SLC13A4: variants seen among roughly 807,000 people sequenced by gnomAD.
The protein encoded by SLC13A4 is Na(+)/sulfate cotransporter SUT-1.
A neutral mutation model predicts 72.7 loss-of-function variants in SLC13A4; 28 were observed. The ratio of observed to expected loss-of-function variants is 0.39; its 90% CI spans 0.29 to 0.53. The LOEUF (loss-of-function observed/expected upper bound fraction) is 0.53, where lower values mean the gene tolerates loss of function less well. Ranked by LOEUF, SLC13A4 falls within the 20% of genes least tolerant of loss-of-function variation. The pLI is 0.78. For synonymous variants in SLC13A4, 312 were observed against 325.5 expected (o/e 0.96, Z 0.45); for missense variants, 653 against 788.0 (o/e 0.83, Z 2.05).
At chr7:135,705,560 G>A in intron 5 of SLC13A4, 36 bp downstream of exon 5, 1 of 1,605,410 alleles carries the variant, frequency 6.2e-7, no homozygotes, top group Admixed American at 1.7e-5. Flanking sequence ...TATGGACTCT[G>A]AGAGGCGCTG....
rs1260443598 is a variant in SLC13A4 at position 135,706,159 on chromosome 7, G to T, written c.507C>A (p.Gly169=). The change falls in exon 4 of 16, where the codon GGC becomes GGA. Residue 169 remains glycine (G), a synonymous_variant. Transcript: ENST00000682651. The part of the protein sequence containing the change: ...VSAEDEQLVA[G]NSNTEEAEPI... Reference sequence around the variant, plus strand: ...GTTCGGCCTCTTCGGTGTTGGAGTTGCCCGCCACGAGCTGCTCGTCCTCAG... The same window carrying T: ...GTTCGGCCTCTTCGGTGTTGGAGTTTCCCGCCACGAGCTGCTCGTCCTCAG... 2 of 1,606,502 alleles carry T rather than the reference G, an allele frequency of 1.2e-6. No individual in the cohort carries two copies. The highest frequency in any genetic ancestry group is 2.2e-5 in the South Asian group (2 of 90,694).
chr7:135,708,122 C>T lies in SLC13A4; in HGVS notation c.357G>A (p.Lys119=). ...ALRMVLMAGA[K]PGMLLLCFMC... ...TCCCAAATAAGACTTACATGCCCGG[C>T]TTGGCTCCGGCCATCAAGACCATGC... Residue 119 remains lysine, a synonymous_variant, in exon 3 of 16, where the codon AAG becomes AAA. Coordinates refer to ENST00000682651, the MANE Select transcript of SLC13A4 (RefSeq NM_001318192.2). 6.2e-7 allele frequency: 1 copy of T among 1,613,268 alleles called. No individual in the cohort carries two copies. Among genetic ancestry groups the T allele is most frequent in the Non-Finnish European group, 8.5e-7 (1 of 1,179,258 alleles).
chr7:135,699,536 C>T lies in SLC13A4; in HGVS notation c.727G>A (p.Val243Ile). The T allele has an allele frequency of 6.3e-7, 1 of 1,599,498 alleles. No individual in the cohort carries two copies. Among genetic ancestry groups the T allele is most frequent in the Non-Finnish European group, 8.5e-7 (1 of 1,172,758 alleles). ...TGCTTCCTGGGGCTGGGGGTCAGGACTTGTGGCTTTTCCTAACGAAGGAAA... is the reference window on the plus strand; with the variant it reads ...TGCTTCCTGGGGCTGGGGGTCAGGATTTGTGGCTTTTCCTAACGAAGGAAA... The part of the protein sequence containing the change: ...KQHPSQEKPQ[V>I]LTPSPRKQKL... The change falls in exon 8 of 16, where the codon GTC becomes ATC. Residue 243 changes from valine to isoleucine, a missense_variant. Coordinates refer to ENST00000682651, the MANE Select transcript of SLC13A4 (RefSeq NM_001318192.2).
At chr7:135,716,613 C>T (rs1178292870) in intron 2 of SLC13A4, among the ~76,000 whole-genome samples, 1 of 152,172 alleles carries the variant, frequency 6.6e-6, no homozygotes, top group African/African-American at 2.4e-5. Context: ...GTGCCCAGCC[C>T]ATAATTTATT....
intron 10 of SLC13A4, among the ~76,000 whole-genome samples, 185 bp downstream of exon 10, chr7:135,693,952 G>C (rs941576068): frequency 6.6e-6 from 1 of 152,162 alleles, no homozygotes; most frequent in Non-Finnish European, 1.5e-5. Flanking sequence ...AAAGGGGAAG[G>C]GTGGCCACCT....
chr7:135,727,822 A>G lies in SLC13A4; in HGVS notation c.-326T>C. The G allele has an allele frequency of 3.5e-6, 1 of 281,896 alleles. No homozygotes were observed. Among genetic ancestry groups the G allele is most frequent in the Non-Finnish European group, 6.6e-6 (1 of 151,960 alleles). 17.5% of individuals were successfully genotyped at this position (281,896 alleles called of 1,614,324 possible). On this transcript the variant is annotated 5_prime_UTR_variant, in exon 1 of 16. Coordinates refer to ENST00000682651, the MANE Select transcript of SLC13A4 (RefSeq NM_001318192.2). ...ATAGAGTAACTTCATTCTAGGTGTC[A>G]GCAGAAACCCCCTTAATCCTTTAAG...
At position 135,691,309 on chromosome 7, in the gene SLC13A4, G is replaced by A. The variant is rs1007740499; in HGVS notation, c.1338C>T (p.His446=). Residue 446 remains histidine (H), a synonymous_variant, in exon 13 of 16, where the codon CAC becomes CAT. Transcript: ENST00000682651. ...TGATGATGGGCTCGGTCCCCAGTGA[G>A]TGCTCCTGGTTCTCTCCTGGATTAG... ...GKKNDGENQE[H]SLGTEPIITW... 6.2e-6 allele frequency: 10 copies of A among 1,613,542 alleles called. No homozygotes were observed. In the East Asian group the frequency reaches 2.0e-4, roughly 32 times the overall value.
rs555782457 is a variant in SLC13A4, at chr7:135,691,764, A to G, written c.1224-119T>C. The G allele has an allele frequency of 2.5e-5, 17 of 677,448 alleles. No individual in the cohort carries two copies. In the South Asian group the frequency reaches 3.1e-4, roughly 12 times the overall value. 42.0% of individuals were successfully genotyped at this position (677,448 alleles called of 1,614,324 possible). On this transcript the variant is annotated intron_variant, in intron 11 of 15. Transcript: ENST00000682651. ...TTTTTAGGACTTATCTAGAGGTAAC[A>G]TTAAGCTTAGTTCTTGCCAGTTGCT...
rs773165782 is a variant in SLC13A4, at chr7:135,705,619, C to T, written c.570G>A (p.Leu190=). The change falls in exon 5 of 16, where the codon CTG becomes CTA. Residue 190 remains leucine, a synonymous_variant. Coordinates refer to ENST00000682651, the MANE Select transcript of SLC13A4 (RefSeq NM_001318192.2). ...SLDVKNSQPS[L]ELIFVNEDRS... ...ACTCTTCATTGACAAAGATGAGTTC[C>T]AGAGAAGGTTGGCTGTTCTTTACAT... is the stretch of plus-strand genomic sequence containing the variant. The T allele has an allele frequency of 6.2e-7, 1 of 1,613,978 alleles. No individual in the cohort carries two copies. The highest frequency in any genetic ancestry group is 1.3e-5 in the African/African-American group (1 of 74,918).
At chr7:135,719,307 G>A (rs898382041) in intron 2 of SLC13A4, among the ~76,000 whole-genome samples, 5 of 152,234 alleles carry the variant, frequency 3.3e-5, no homozygotes, top group Non-Finnish European at 7.3e-5. Context: ...GACACTGTCT[G>A]CTTGAAAGCT....
At chr7:135,715,686 C>T (rs1796419609) in intron 2 of SLC13A4, among the ~76,000 whole-genome samples, 1 of 152,212 alleles carries the variant, frequency 6.6e-6, no homozygotes, top group African/African-American at 2.4e-5. Flanking sequence ...CTGTGGTGCC[C>T]ACCTCTATGC....
intron 2 of SLC13A4, among the ~76,000 whole-genome samples, chr7:135,718,170 C>A (rs1796474299): frequency 6.6e-6 from 1 of 151,898 alleles, no homozygotes; most frequent in South Asian, 2.1e-4. Flanking sequence ...CAGCTTCAGA[C>A]AGTGAGAGCT....
intron 3 of SLC13A4, 131 bp downstream of exon 3, chr7:135,707,983 G>A (rs1453353055): frequency 1.8e-6 from 2 of 1,129,312 alleles, no homozygotes; most frequent in East Asian, 4.8e-5. Flanking sequence ...CTATGGCTCT[G>A]GTGTCAGCCC....
Position 135,721,516 on chromosome 7 carries a change from G to T in SLC13A4, c.107C>A (p.Ser36Ter). 6.2e-7 allele frequency: 1 copy of T among 1,613,950 alleles called. No individual in the cohort carries two copies. Among genetic ancestry groups the T allele is most frequent in the Non-Finnish European group, 8.5e-7 (1 of 1,179,898 alleles). The change falls in exon 2 of 16, where the codon TCG becomes TAG. Residue 36 changes from serine (S) to a stop codon, truncating the protein, a stop_gained. Transcript: ENST00000682651. LOFTEE classifies it high-confidence loss of function. ...AGTCACGATCAGCACGTAAGCACAC[G>T]AGGCCTCCTGCAAGGCAAGGAAAGG... ...LPVLHPSSEA[S>*]CAYVLIVTAV... is the part of the protein sequence containing the mutation.
At chr7:135,724,599 G>A (rs923487049) in intron 1 of SLC13A4, among the ~76,000 whole-genome samples, 1 of 151,986 alleles carries the variant, frequency 6.6e-6, no homozygotes, top group Admixed American at 6.6e-5. Flanking sequence ...GGAGAATGTG[G>A]GTAAAATAAA....
Position 135,699,349 on chromosome 7 carries a change from A to G in SLC13A4, c.899+15T>C, listed in dbSNP as rs558302987. On this transcript the variant is annotated intron_variant, in intron 8 of 15. Coordinates refer to ENST00000682651, the MANE Select transcript of SLC13A4 (RefSeq NM_001318192.2). The stretch of plus-strand genomic sequence containing the variant: ...GGTGGTTAGTAAATATTTGTTGACC[A>G]AGTGAATCACTTACTTGTTGAAGTG... The G allele has an allele frequency of 4.4e-6, 7 of 1,602,718 alleles. No homozygotes were observed. In the South Asian group the frequency reaches 5.6e-5, roughly 13 times the overall value.
Position 135,727,520 on chromosome 7 carries a change from G to T in SLC13A4, c.-24C>A, listed in dbSNP as rs566205172. On this transcript the variant is annotated 5_prime_UTR_variant, in exon 1 of 16. Transcript: ENST00000682651. ...ATCGCGCCTCTGTCCTCTCCAGCTC[G>T]TCCTTGGACCCCGCTCTGCCGGCGA... 6.5e-7 allele frequency: 1 copy of T among 1,541,908 alleles called. No homozygotes were observed.
intron 15 of SLC13A4, chr7:135,683,841 T>C: frequency 2.1e-6 from 2 of 945,440 alleles, no homozygotes; most frequent in Non-Finnish European, 2.5e-6. Context: ...TTGCACAGGC[T>C]CATGCCTTCT....
In SLC13A4 at chr7:135,708,232, TGAA is replaced by T; in HGVS notation, c.244_246del (p.Phe82del). On this transcript the variant is annotated inframe_deletion, in exon 3 of 16. Transcript: ENST00000682651. ...CCCACCAGCAGCAGCGTGGTGTTCT[TGAA>T]GTACTCCGCCGCCACCTGTAGGGAG... is the stretch of plus-strand genomic sequence containing the variant. The T allele has an allele frequency of 6.2e-7, 1 of 1,614,210 alleles. No individual in the cohort carries two copies.
Sources: gnomAD v4.1 joint callset for allele counts (sites outside exome capture counted in the v4.1 genomes callset) on GRCh38, gnomAD v4.1.1 for gene constraint, MANE v1.5 for transcripts, NCBI Gene and HGNC (gene_info 2026-07-23, HGNC 2026-07-21) for gene names.